The following OPRM1 variants were observed in gnomAD, a reference collection of about 807,000 sequenced individuals.
OPRM1 encodes the protein opioid receptor mu 1, also known as mu-type opioid receptor.
OPRM1 carries 27 observed loss-of-function variants against 31.8 expected under a neutral mutation model. The ratio of observed to expected loss-of-function variants is 0.85; its 90% CI spans 0.63 to 1.17. The LOEUF (loss-of-function observed/expected upper bound fraction) is 1.17. OPRM1 is among the 50% of genes most tolerant of loss of function. The probability of loss-of-function intolerance (pLI) is 0.00; values close to 1 mark genes in which losing one functional copy is unlikely to be tolerated. For missense variants in OPRM1, 536 were observed against 511.1 expected (o/e 1.05, Z -0.47); for synonymous variants, 196 against 189.9 (o/e 1.03, Z -0.26).
At chr6:154,096,074 G>T (rs632457) in intron 3 of OPRM1, among the ~76,000 whole-genome samples, 104,567 of 152,032 alleles carry the variant, frequency 0.69, 36,224 homozygotes, top group East Asian at 0.89. Context: ...TTGATTTTTA[G>T]TTTGAAATGG....
At position 154,100,100 on chromosome 6, in the gene OPRM1, GAT is replaced by G. The variant is rs1218680188; in HGVS notation, c.1164+8637_1164+8638del. Among the ~76,000 whole-genome samples, 117 of 59,290 alleles carry G rather than the reference GAT, an allele frequency of 2.0e-3. 7 individuals carry two copies. Among genetic ancestry groups the G allele is most frequent in the East Asian group, 0.019 (15 of 778 alleles). 38.9% of individuals were successfully genotyped at this position (59,290 alleles called of 152,430 possible). A position where few individuals can be genotyped will look rare whatever the true frequency, so the allele number is the denominator to read the frequency against. ...ATCATATTATATATTATCATATTAT[GAT>G]ATATATATTATATATTATCATATTA... On this transcript the variant is annotated intron_variant, in intron 3 of 3. Transcript: ENST00000330432.
In OPRM1 at chr6:154,121,284, G is replaced by T. The variant is rs1797284257; in HGVS notation, c.*2563G>T. Among the ~76,000 whole-genome samples the T allele has an allele frequency of 6.6e-6, 1 of 152,124 alleles. No individual in the cohort carries two copies. The highest frequency in any genetic ancestry group is 2.4e-5 in the African/African-American group (1 of 41,430). ...TAGCTTATTGTGTTCCAAGTAGTTA[G>T]TGGTTTTTCTCCTTCAGTCTCCACT... On this transcript the variant is annotated 3_prime_UTR_variant, in exon 4 of 4. Transcript: ENST00000330432.
chr6:154,228,433 C>T (rs1779443426), intron 3 of OPRM1, among the ~76,000 whole-genome samples: 1 of 152,204 alleles, frequency 6.6e-6, no homozygotes, highest in Non-Finnish European at 1.5e-5. Flanking sequence ...ATTGTACAAA[C>T]TTCTCTTTCC....
At chr6:154,177,503 G>C (rs1800440383) in intron 3 of OPRM1, among the ~76,000 whole-genome samples, 1 of 152,182 alleles carries the variant, frequency 6.6e-6, no homozygotes, top group South Asian at 2.1e-4. Flanking sequence ...CTTCTCAAAG[G>C]AAGACATTTA....
chr6:154,119,418 A>G lies in OPRM1; in HGVS notation c.*697A>G. The stretch of plus-strand genomic sequence containing the variant: ...CTGCAAATACTTCCAAAGAGTCATC[A>G]TGGGGGATTTTTCATTCTTAGGCTT... On this transcript the variant is annotated 3_prime_UTR_variant, in exon 4 of 4. Transcript: ENST00000330432. 2.0e-6 allele frequency: 2 copies of G among 985,410 alleles called. No homozygotes were observed. The highest frequency in any genetic ancestry group is 2.4e-6 in the Non-Finnish European group (2 of 829,920). The allele number at this position is 985,410 out of a possible 1,614,324, so 61.0% of individuals were successfully genotyped here. A position where few individuals can be genotyped will look rare whatever the true frequency, so the allele number is the denominator to read the frequency against.
In OPRM1 at chr6:154,152,347, G is replaced by GAAAGAAAAGAAAA; in HGVS notation, c.1164+60875_1164+60876insAAAGAAAAGAAAA. The stretch of plus-strand genomic sequence containing the variant: ...AGAAAGAAAGAAAGAAAGAAAGAAA[G>GAAAGAAAAGAAAA]GAAAGAAAGAAAGAAAGAAAGAAAG... On this transcript the variant is annotated intron_variant, in intron 3 of 3. Transcript: ENST00000337049. Among the ~76,000 whole-genome samples, 171 of 65,198 alleles carry GAAAGAAAAGAAAA rather than the reference G, an allele frequency of 2.6e-3. 10 individuals are homozygous for GAAAGAAAAGAAAA. The highest frequency in any genetic ancestry group is 9.2e-3 in the African/African-American group (165 of 17,948). The allele number at this position is 65,198 out of a possible 152,430, so 42.8% of individuals were successfully genotyped here.
intron 1 of OPRM1, among the ~76,000 whole-genome samples, chr6:154,050,755 A>G (rs1782038783): frequency 1.3e-5 from 2 of 152,184 alleles, no homozygotes; most frequent in Admixed American, 6.5e-5. Context: ...AAAATAACAT[A>G]AAGAATGTAA....
chr6:154,224,003 T>C (rs1444836314), intron 3 of OPRM1, among the ~76,000 whole-genome samples: 1 of 152,250 alleles, frequency 6.6e-6, no homozygotes, highest in African/African-American at 2.4e-5. Flanking sequence ...TCTAAGAATT[T>C]GTTAATCTGT....
chr6:154,019,015 T>C (rs1778179234), intron 1 of OPRM1, among the ~76,000 whole-genome samples: 1 of 152,160 alleles, frequency 6.6e-6, no homozygotes. Context: ...ATAGGGTACA[T>C]GGTATGTTTT....
At chr6:154,209,395 A>T (rs1187612684) in intron 3 of OPRM1, among the ~76,000 whole-genome samples, 2 of 152,130 alleles carry the variant, frequency 1.3e-5, no homozygotes, top group Non-Finnish European at 2.9e-5. Context: ...TTACGCTTGT[A>T]ATCCTAGCAC....
intron 1 of OPRM1, among the ~76,000 whole-genome samples, chr6:154,048,432 C>T (rs961438959): frequency 1.3e-5 from 2 of 152,084 alleles, no homozygotes; most frequent in African/African-American, 4.8e-5. Flanking sequence ...GCAATATAAC[C>T]CAAAATACAT....
At chr6:154,086,260 C>T (rs528862355) in intron 1 of OPRM1, among the ~76,000 whole-genome samples, 3 of 152,282 alleles carry the variant, frequency 2.0e-5, no homozygotes, top group Admixed American at 6.5e-5. Flanking sequence ...TTTAGAAGAT[C>T]GTTGAGCCCC....
At chr6:154,210,419 G>A (rs1777871615) in intron 3 of OPRM1, among the ~76,000 whole-genome samples, 1 of 152,140 alleles carries the variant, frequency 6.6e-6, no homozygotes, top group Non-Finnish European at 1.5e-5. Flanking sequence ...AGACACAGAA[G>A]CAGACATAGA....
At position 154,108,704 on chromosome 6, in the gene OPRM1, C is replaced by G. The variant is rs1583584184; in HGVS notation, c.1165-9979C>G. On this transcript the variant is annotated intron_variant, in intron 3 of 3. Transcript: ENST00000330432. Reference sequence around the variant, plus strand: ...AGAGGGACTTTAACGAGAGGGGTCTCTAACACCCTAAATCTTAGAAGAGAC... The same window carrying G: ...AGAGGGACTTTAACGAGAGGGGTCTGTAACACCCTAAATCTTAGAAGAGAC... The G allele has an allele frequency of 1.2e-6, 1 of 845,806 alleles. No homozygotes were observed. Among genetic ancestry groups the G allele is most frequent in the Non-Finnish European group, 1.4e-6 (1 of 702,642 alleles). The allele number at this position is 845,806 out of a possible 1,614,324, so 52.4% of individuals were successfully genotyped here. A position where few individuals can be genotyped will look rare whatever the true frequency, so the allele number is the denominator to read the frequency against.
chr6:154,185,304 C>T (rs879720765), intron 3 of OPRM1, among the ~76,000 whole-genome samples: 5 of 152,210 alleles, frequency 3.3e-5, no homozygotes, highest in Non-Finnish European at 5.9e-5. Flanking sequence ...AGTGTTCAAA[C>T]TGCCAAGGCA....
At chr6:154,089,624 T>A in intron 1 of OPRM1, 1 of 537,818 alleles carries the variant, frequency 1.9e-6, no homozygotes, top group Non-Finnish European at 3.3e-6. Context: ...CAAAGCAGCA[T>A]CGTTGCTATT....
chr6:154,105,185 A>G (rs1485493626), intron 3 of OPRM1, among the ~76,000 whole-genome samples: 1 of 152,244 alleles, frequency 6.6e-6, no homozygotes, highest in African/African-American at 2.4e-5. Context: ...AAGAATACTC[A>G]CAACTAGTTT....
At chr6:154,084,250 T>C (rs1301256094) in intron 1 of OPRM1, among the ~76,000 whole-genome samples, 4 of 152,228 alleles carry the variant, frequency 2.6e-5, no homozygotes, top group African/African-American at 9.7e-5. Flanking sequence ...CAACATTTTA[T>C]AGCAAAGTGA....
chr6:154,160,415 C>T (rs1278628316), intron 3 of OPRM1, among the ~76,000 whole-genome samples: 2 of 152,154 alleles, frequency 1.3e-5, no homozygotes, highest in Non-Finnish European at 2.9e-5. Flanking sequence ...CCAAACTTCA[C>T]TAAGTAAAAT....
Sources: allele counts gnomAD v4.1 joint callset (sites outside exome capture counted in the v4.1 genomes callset), GRCh38; gene constraint gnomAD v4.1.1; transcripts MANE v1.5; gene names NCBI Gene and HGNC (gene_info 2026-07-23, HGNC 2026-07-21).